LRP1B: variants seen among roughly 807,000 people sequenced by gnomAD.
LRP1B encodes the protein LDL receptor related protein 1B, also known as low-density lipoprotein receptor-related protein 1B.
LRP1B carries 217 observed loss-of-function variants against 556.6 expected under a neutral mutation model. That is an observed-to-expected ratio of 0.39 (90% CI 0.35 to 0.44). The LOEUF (loss-of-function observed/expected upper bound fraction) is 0.44. Among genes scored for constraint, LRP1B ranks in the 20% least tolerant of loss-of-function variants. The probability of loss-of-function intolerance (pLI) is 1.00; values close to 1 mark genes in which losing one functional copy is unlikely to be tolerated. For missense variants in LRP1B, 5,053 were observed against 5,620.8 expected (o/e 0.90, Z 3.23); for synonymous variants, 2,047 against 1,865.8 (o/e 1.10, Z -2.50).
chr2:141,938,252 A>G (rs556814579), intron 1 of LRP1B, among the ~76,000 whole-genome samples: 1 of 152,328 alleles, frequency 6.6e-6, no homozygotes, highest in East Asian at 1.9e-4. Context: ...CACACACTCA[A>G]TAACAAAAAT....
intron 3 of LRP1B, among the ~76,000 whole-genome samples, chr2:141,380,714 C>G (rs1210376166): frequency 6.6e-6 from 1 of 152,210 alleles, no homozygotes; most frequent in African/African-American, 2.4e-5. Flanking sequence ...TAGGTCCCAG[C>G]TTTTTCCCCG....
chr2:140,964,048 G>T (rs1489167505), intron 18 of LRP1B, among the ~76,000 whole-genome samples: 1 of 152,130 alleles, frequency 6.6e-6, no homozygotes, highest in Admixed American at 6.5e-5. Flanking sequence ...AGGCAGAAGG[G>T]GCAGGGTAAA....
At chr2:140,714,025 A>G (rs557491462) in intron 37 of LRP1B, among the ~76,000 whole-genome samples, 4 of 152,280 alleles carry the variant, frequency 2.6e-5, no homozygotes, top group African/African-American at 9.6e-5. Flanking sequence ...AGTTTGATCA[A>G]TTAGTCTTTT....
chr2:142,014,383 T>G (rs921006949), intron 1 of LRP1B, among the ~76,000 whole-genome samples: 1 of 152,172 alleles, frequency 6.6e-6, no homozygotes, highest in Non-Finnish European at 1.5e-5. Flanking sequence ...TTAGTAGCTT[T>G]TATTTGAAGA....
chr2:140,487,604 A>T lies in LRP1B; in HGVS notation c.9243+13T>A. 1 of 1,602,272 alleles carries T rather than the reference A, an allele frequency of 6.2e-7. No homozygotes were observed. Among genetic ancestry groups the T allele is most frequent in the Non-Finnish European group, 8.5e-7 (1 of 1,171,532 alleles). On this transcript the variant is annotated intron_variant, in intron 58 of 90. Transcript: ENST00000389484. ...TAATATTCAACAATCCCATCATTGTAATATTTAGTTACCTTAATGTCACTT... is the reference window on the plus strand; with the variant it reads ...TAATATTCAACAATCCCATCATTGTTATATTTAGTTACCTTAATGTCACTT...
At chr2:140,317,542 A>C (rs1330805302) in intron 82 of LRP1B, among the ~76,000 whole-genome samples, 2 of 152,120 alleles carry the variant, frequency 1.3e-5, no homozygotes, top group African/African-American at 4.8e-5. Flanking sequence ...TGCCCTTGCA[A>C]ATGTAAGTGG....
chr2:140,238,103 C>A (rs753096780), intron 89 of LRP1B, 49 bp downstream of exon 89: 2 of 1,487,258 alleles, frequency 1.3e-6, no homozygotes, highest in Admixed American at 2.2e-5. Flanking sequence ...AACAGAGATG[C>A]GACTCAAGAA....
intron 60 of LRP1B, among the ~76,000 whole-genome samples, chr2:140,461,531 T>C (rs545344125): frequency 5.3e-5 from 8 of 152,236 alleles, no homozygotes; most frequent in African/African-American, 1.7e-4. Flanking sequence ...TCACTGTAAT[T>C]TATTATTTAA....
At chr2:140,593,070 T>C (rs1430114104) in intron 43 of LRP1B, among the ~76,000 whole-genome samples, 1 of 152,204 alleles carries the variant, frequency 6.6e-6, no homozygotes, top group Admixed American at 6.5e-5. Flanking sequence ...TTTATTTAAC[T>C]TGCTCTCCTA....
chr2:141,053,071 T>G (rs1256834985), intron 10 of LRP1B, among the ~76,000 whole-genome samples: 1 of 152,058 alleles, frequency 6.6e-6, no homozygotes, highest in Non-Finnish European at 1.5e-5. Flanking sequence ...ATTTTCCCCA[T>G]TATTTTCTTT....
At chr2:140,778,721 G>A (rs1689585891) in intron 32 of LRP1B, among the ~76,000 whole-genome samples, 1 of 151,764 alleles carries the variant, frequency 6.6e-6, no homozygotes, top group African/African-American at 2.4e-5. Flanking sequence ...GAGTTTTGGT[G>A]TAGTTTTAAA....
intron 18 of LRP1B, among the ~76,000 whole-genome samples, chr2:140,957,354 T>C (rs929078836): frequency 6.6e-6 from 1 of 151,322 alleles, no homozygotes; most frequent in Admixed American, 6.6e-5. Flanking sequence ...AATGAAAGAA[T>C]TTTAGAAAGG....
intron 20 of LRP1B, among the ~76,000 whole-genome samples, chr2:140,932,408 A>T (rs1695076430): frequency 1.3e-5 from 2 of 152,136 alleles, no homozygotes; most frequent in South Asian, 2.1e-4. Flanking sequence ...TTGTTGACAT[A>T]TTGTCTAGGG....
Position 141,372,877 on chromosome 2 carries a change from A to T in LRP1B, c.343+107519T>A, listed in dbSNP as rs141717438. On this transcript the variant is annotated intron_variant, in intron 3 of 90. Transcript: ENST00000389484. ...GGTGCCTCTCTTTAATTCTCCTCTG[A>T]CGTTTGTCATTTATTTTCCTTAGCT... is the stretch of plus-strand genomic sequence containing the variant. Among the ~76,000 whole-genome samples, 285 of 151,878 alleles carry T rather than the reference A, an allele frequency of 1.9e-3. 3 individuals are homozygous for T. The highest frequency in any genetic ancestry group is 9.4e-4 in the Non-Finnish European group (64 of 67,896).
intron 20 of LRP1B, among the ~76,000 whole-genome samples, chr2:140,933,912 G>T (rs1695126090): frequency 6.6e-6 from 1 of 151,772 alleles, no homozygotes; most frequent in African/African-American, 2.4e-5. Flanking sequence ...ACATCAGTTG[G>T]TTTCAGTATT....
intron 1 of LRP1B, among the ~76,000 whole-genome samples, chr2:142,041,813 G>A (rs1205754566): frequency 1.3e-5 from 2 of 151,436 alleles, no homozygotes; most frequent in East Asian, 1.9e-4. Flanking sequence ...TTTTGCAAAG[G>A]TATTATGTGG....
At chr2:141,247,375 C>T (rs2105327949) in intron 4 of LRP1B, 21 bp from the exon 5 acceptor site, 1 of 1,611,252 alleles carries the variant, frequency 6.2e-7, no homozygotes, top group Non-Finnish European at 8.5e-7. Context: ...AAATTGGCAT[C>T]ATTTCTAAGC....
rs1307579822 is a variant in LRP1B at position 140,248,565 on chromosome 2, A to T, written c.13248-1403T>A. 3.3e-5 allele frequency among the ~76,000 whole-genome samples: 5 copies of T among 151,678 alleles called. No homozygotes were observed. The Admixed American group carries it at 3.3e-4, about 10-fold the overall frequency. On this transcript the variant is annotated intron_variant, in intron 86 of 90. Transcript: ENST00000389484. ...AATCATTAACACAGATAAATGCATA[A>T]GGCCAAGTCTACGACTCTTGTCTGT...
At chr2:141,295,746 A>AACACAC (rs376812743) in intron 3 of LRP1B, among the ~76,000 whole-genome samples, 11,273 of 130,458 alleles carry the variant, frequency 0.086, 737 homozygotes, top group African/African-American at 0.16. Context: ...TGAGGAGAGA[A>AACACAC]ACACACACAC....
Sources: allele counts gnomAD v4.1 joint callset (sites outside exome capture counted in the v4.1 genomes callset), GRCh38; gene constraint gnomAD v4.1.1; transcripts MANE v1.5; gene names NCBI Gene and HGNC (gene_info 2026-07-23, HGNC 2026-07-21).